The following TEAD1 variants were observed in gnomAD, a reference collection of about 807,000 sequenced individuals.
The protein encoded by TEAD1 is transcriptional enhancer factor TEF-1.
A neutral mutation model predicts 54.9 loss-of-function variants in TEAD1; 9 were observed. The ratio of observed to expected loss-of-function variants is 0.16; its 90% CI spans 0.10 to 0.29. The LOEUF is 0.29. TEAD1 is among the 10% of genes least tolerant of loss of function. TEAD1 has a pLI of 1.00. For synonymous variants in TEAD1, 200 were observed against 187.8 expected (o/e 1.07, Z -0.53); for missense variants, 387 against 535.9 (o/e 0.72, Z 2.74).
chr11:12,719,738 A>G (rs1463717078), intron 2 of TEAD1, among the ~76,000 whole-genome samples: 2 of 152,008 alleles, frequency 1.3e-5, no homozygotes, highest in African/African-American at 2.4e-5. Flanking sequence ...GTATTAGGAT[A>G]TTGGTTCAAA....
At chr11:12,805,469 C>G (rs1727445212) in intron 3 of TEAD1, among the ~76,000 whole-genome samples, 2 of 152,064 alleles carry the variant, frequency 1.3e-5, no homozygotes, top group African/African-American at 2.4e-5. Flanking sequence ...CTTTTCAAAC[C>G]TAGAAGTAAA....
intron 10 of TEAD1, chr11:12,922,565 T>C (rs1207027043): frequency 6.6e-6 from 1 of 152,082 alleles, no homozygotes; most frequent in Admixed American, 6.5e-5. Flanking sequence ...AGATACTTAT[T>C]TTAAAGTATA....
Position 12,901,991 on chromosome 11 carries a change from G to A in TEAD1, c.751G>A (p.Asp251Asn). The change falls in exon 10 of 13, where the codon GAC (aspartate) becomes AAC (asparagine). Residue 251 changes from aspartate (D) to asparagine (N), a missense_variant. Asp to Asn is a conservative substitution (Grantham distance 23). This residue lies in a region of TEAD1 where 180 missense variants were observed against 180.6 expected (regional missense o/e 1.00). Coordinates refer to ENST00000527636, the MANE Select transcript of TEAD1 (RefSeq NM_021961.6). ...TGGGCATGCCAACCATTCTTACAGT[G>A]ACCCATTGCTTGAATCAGTGGACAT... The A allele has an allele frequency of 6.2e-7, 1 of 1,614,202 alleles. No individual in the cohort carries two copies. Among genetic ancestry groups the A allele is most frequent in the Non-Finnish European group, 8.5e-7 (1 of 1,180,036 alleles).
At chr11:12,835,964 G>A (rs1288940108) in intron 3 of TEAD1, among the ~76,000 whole-genome samples, 2 of 152,092 alleles carry the variant, frequency 1.3e-5, no homozygotes, top group Non-Finnish European at 2.9e-5. Context: ...TTTCAAAATT[G>A]CCAAAAGACT....
rs756652609 is a variant in TEAD1, at chr11:12,943,839, A to G, written c.*6617A>G. 2.0e-5 allele frequency: 3 copies of G among 151,922 alleles called. No homozygotes were observed. Among genetic ancestry groups the G allele is most frequent in the South Asian group, 2.1e-4 (1 of 4,812 alleles). The allele number at this position is 151,922 out of a possible 1,614,324, so 9.4% of individuals were successfully genotyped here. On this transcript the variant is annotated 3_prime_UTR_variant, in exon 13 of 13. Transcript: ENST00000527636. ...TCTTTAAAAAAAAATACATCTCCCT[A>G]TTACCTCCTTGAAAGATTTACTTCT...
At chr11:12,702,485 TAGA>T in intron 2 of TEAD1, among the ~76,000 whole-genome samples, 1 of 151,990 alleles carries the variant, frequency 6.6e-6, no homozygotes, top group South Asian at 2.1e-4. Flanking sequence ...ATGCCGAGAG[TAGA>T]AGGATAAGAA....
At chr11:12,927,958 T>C (rs1034717375) in intron 11 of TEAD1, among the ~76,000 whole-genome samples, 2 of 152,182 alleles carry the variant, frequency 1.3e-5, no homozygotes, top group Non-Finnish European at 2.9e-5. Context: ...TTTTGCCCTT[T>C]AGGATTATAT....
chr11:12,736,974 G>A (rs918719967), intron 2 of TEAD1, among the ~76,000 whole-genome samples: 2 of 152,134 alleles, frequency 1.3e-5, no homozygotes, highest in African/African-American at 4.8e-5. Flanking sequence ...ATTAAATATA[G>A]TCAATAATAC....
intron 5 of TEAD1, among the ~76,000 whole-genome samples, chr11:12,868,851 GTTA>G (rs869264732): frequency 6.6e-6 from 1 of 151,898 alleles, no homozygotes; most frequent in Non-Finnish European, 1.5e-5. Flanking sequence ...GAACTTTTCT[GTTA>G]TTTTTCCAGT....
Position 12,938,316 on chromosome 11 carries a change from G to T in TEAD1, c.*1094G>T, listed in dbSNP as rs927191473. ...AAGGCTCATCAGTTTTAGCATCTCT[G>T]CTCCCCAGAAAATTGTAAGCATCCT... is the stretch of plus-strand genomic sequence containing the variant. On this transcript the variant is annotated 3_prime_UTR_variant, in exon 13 of 13. Transcript: ENST00000527636. 6.6e-6 allele frequency: 1 copy of T among 152,552 alleles called. No homozygotes were observed. Among genetic ancestry groups the T allele is most frequent in the African/African-American group, 2.4e-5 (1 of 41,412 alleles). 9.4% of individuals were successfully genotyped at this position (152,552 alleles called of 1,614,324 possible).
At chr11:12,866,514 G>A (rs1947620812) in intron 5 of TEAD1, among the ~76,000 whole-genome samples, 1 of 152,024 alleles carries the variant, frequency 6.6e-6, no homozygotes, top group Admixed American at 6.5e-5. Context: ...CAATTTTTCT[G>A]TTGCTTTATA....
rs1219630425 is a variant in TEAD1 at position 12,938,040 on chromosome 11, G to GA, written c.*824dup. 6.6e-6 allele frequency: 1 copy of GA among 152,270 alleles called. No homozygotes were observed. Among genetic ancestry groups the GA allele is most frequent in the Non-Finnish European group, 1.5e-5 (1 of 67,928 alleles). The allele number at this position is 152,270 out of a possible 1,614,324, so 9.4% of individuals were successfully genotyped here. On this transcript the variant is annotated 3_prime_UTR_variant, in exon 13 of 13. Coordinates refer to ENST00000527636, the MANE Select transcript of TEAD1 (RefSeq NM_021961.6). ...TGATGATGGATTATTTAATGAAAAA[G>GA]AAAAAATGGCTCTTTTTGCAATAAG... is the stretch of plus-strand genomic sequence containing the variant.
chr11:12,890,494 C>A (rs1458879024), intron 9 of TEAD1, among the ~76,000 whole-genome samples: 2 of 152,144 alleles, frequency 1.3e-5, no homozygotes, highest in South Asian at 4.1e-4. Context: ...TTCTTAGCAG[C>A]TGTTTGAGAT....
At position 12,814,219 on chromosome 11, in the gene TEAD1, C is replaced by T. The variant is rs558588792; in HGVS notation, c.203-48031C>T. ...GATGTCTGACCGAGGCCAGAGACCA[C>T]GCTCAGGGGACCTGGACGCCCGGGG... On this transcript the variant is annotated intron_variant, in intron 3 of 12. Transcript: ENST00000527636. Among the ~76,000 whole-genome samples, 10 of 152,300 alleles carry T rather than the reference C, an allele frequency of 6.6e-5. No individual in the cohort carries two copies. In the East Asian group the frequency reaches 7.7e-4, roughly 12 times the overall value.
In TEAD1 at chr11:12,943,602, A is replaced by G. The variant is rs1049374113; in HGVS notation, c.*6380A>G. On this transcript the variant is annotated 3_prime_UTR_variant, in exon 13 of 13. Coordinates refer to ENST00000527636, the MANE Select transcript of TEAD1 (RefSeq NM_021961.6). ...ATGGCATTTATGTTTCCTCTCGTTTATCATGAAATGGGGTCAGATTCCATC... is the reference window on the plus strand; with the variant it reads ...ATGGCATTTATGTTTCCTCTCGTTTGTCATGAAATGGGGTCAGATTCCATC... 2.6e-5 allele frequency: 4 copies of G among 152,184 alleles called. No homozygotes were observed. The highest frequency in any genetic ancestry group is 4.4e-5 in the Non-Finnish European group (3 of 68,042). The allele number at this position is 152,184 out of a possible 1,614,324, so 9.4% of individuals were successfully genotyped here.
At chr11:12,709,713 G>T (rs756766469) in intron 2 of TEAD1, among the ~76,000 whole-genome samples, 1 of 152,178 alleles carries the variant, frequency 6.6e-6, no homozygotes, top group South Asian at 2.1e-4. Flanking sequence ...TGTAGGGATA[G>T]GGTCTTGCTC....
intron 2 of TEAD1, among the ~76,000 whole-genome samples, chr11:12,756,242 A>G (rs1482752850): frequency 6.6e-6 from 1 of 152,204 alleles, no homozygotes; most frequent in East Asian, 1.9e-4. Context: ...CTGAAATTAG[A>G]GGGAACCTGT....
At chr11:12,890,564 G>C (rs1209909515) in intron 9 of TEAD1, among the ~76,000 whole-genome samples, 1 of 152,146 alleles carries the variant, frequency 6.6e-6, no homozygotes, top group African/African-American at 2.4e-5. Context: ...GGACATAACA[G>C]GATCGCTGCC....
At chr11:12,868,316 G>T (rs1947666492) in intron 5 of TEAD1, among the ~76,000 whole-genome samples, 1 of 152,098 alleles carries the variant, frequency 6.6e-6, no homozygotes, top group East Asian at 1.9e-4. Flanking sequence ...GGTTTGAAAA[G>T]CCCCCTGTTT....
Sources: gnomAD v4.1 joint callset for allele counts (sites outside exome capture counted in the v4.1 genomes callset) on GRCh38, gnomAD v4.1.1 for gene constraint, gnomAD v4.1.1 regional missense constraint, MANE v1.5 for transcripts, NCBI Gene and HGNC (gene_info 2026-07-23, HGNC 2026-07-21) for gene names.